Variants in CXADR observed in about 807,000 individuals in gnomAD.
CXADR encodes the protein CXADR cell adhesion molecule.
A neutral mutation model predicts 40.3 loss-of-function variants in CXADR; 20 were observed. That is an observed-to-expected ratio of 0.50 (90% CI 0.35 to 0.72). The LOEUF (loss-of-function observed/expected upper bound fraction) is 0.72. CXADR is among the 30% of genes least tolerant of loss of function. CXADR has a pLI of 0.01. For missense variants in CXADR, 332 were observed against 449.1 expected (o/e 0.74, Z 2.36); for synonymous variants, 150 against 161.3 (o/e 0.93, Z 0.53).
chr21:17,520,590 G>A (rs540620368), intron 1 of CXADR, among the ~76,000 whole-genome samples: 2 of 152,242 alleles, frequency 1.3e-5, no homozygotes, highest in African/African-American at 4.8e-5. Flanking sequence ...AAGGTTATAC[G>A]CTGAGATTTA....
chr21:17,565,371 A>G, intron 6 of CXADR, 57 bp from the exon 7 acceptor site: 3 of 1,558,800 alleles, frequency 1.9e-6, no homozygotes, highest in Non-Finnish European at 2.6e-6. Context: ...AGCTTGCATA[A>G]TTGTAGGTTT....
At chr21:17,539,828 G>C (rs1272962879) in intron 1 of CXADR, among the ~76,000 whole-genome samples, 1 of 151,970 alleles carries the variant, frequency 6.6e-6, no homozygotes, top group Non-Finnish European at 1.5e-5. Context: ...AAATCTTCTT[G>C]AGAATTTCTG....
At chr21:17,627,288 G>A in the CXADR span, among the ~76,000 whole-genome samples, 2 of 152,028 alleles carry the variant, frequency 1.3e-5, no homozygotes, top group African/African-American at 4.8e-5. Flanking sequence ...CCTAGGAGGC[G>A]GAGGTTGCGG....
downstream of CXADR, among the ~76,000 whole-genome samples, chr21:17,573,150 C>A (rs1201511627): frequency 6.6e-6 from 1 of 152,108 alleles, no homozygotes; most frequent in African/African-American, 2.4e-5. Flanking sequence ...TTCTCCATCT[C>A]TCTTCCCTCT....
intron 3 of CXADR, among the ~76,000 whole-genome samples, chr21:17,555,857 G>A (rs1484199185): frequency 6.6e-6 from 1 of 152,118 alleles, no homozygotes; most frequent in Admixed American, 6.5e-5. Context: ...TTTGCCTGGA[G>A]TCAGGGTATT....
In CXADR at chr21:17,578,782, A is replaced by T. The variant is rs969057013; in HGVS notation, c.1017+13171A>T. On this transcript the variant is annotated intron_variant, in intron 7 of 7. Coordinates refer to the CXADR transcript ENST00000400169. ...GGGTGCAGTGAGCCATGATAGCGCC[A>T]CTGCACTCCAGCCTGGGTGACAGAG... Among the ~76,000 whole-genome samples the T allele has an allele frequency of 4.6e-5, 7 of 152,194 alleles. No individual in the cohort carries two copies. The East Asian group carries it at 1.3e-3, about 29-fold the overall frequency.
At chr21:17,542,458 TTGA>T (rs1347186746) in intron 1 of CXADR, among the ~76,000 whole-genome samples, 10 of 152,156 alleles carry the variant, frequency 6.6e-5, no homozygotes, top group Non-Finnish European at 1.5e-4. Context: ...AAAATACTCT[TTGA>T]TGAACTCATG....
intron 2 of CXADR, among the ~76,000 whole-genome samples, 168 bp from the exon 3 acceptor site, chr21:17,551,581 C>T (rs1040141885): frequency 1.3e-5 from 2 of 152,204 alleles, no homozygotes; most frequent in South Asian, 2.1e-4. Context: ...TCCATTTTCT[C>T]GTTCTGTGGT....
At chr21:17,627,497 G>C in the CXADR span, among the ~76,000 whole-genome samples, 3 of 151,834 alleles carry the variant, frequency 2.0e-5, no homozygotes, top group African/African-American at 7.3e-5. Context: ...GTGAGGCTGC[G>C]TGTGGCACCT....
the CXADR span, among the ~76,000 whole-genome samples, chr21:17,634,117 T>C: frequency 1.3e-5 from 2 of 152,198 alleles, no homozygotes; most frequent in Admixed American, 1.3e-4. Context: ...TAGCAGGTCA[T>C]TTGGGCTGAT....
intron 6 of CXADR, among the ~76,000 whole-genome samples, chr21:17,562,729 C>G (rs1376145480): frequency 2.0e-5 from 3 of 152,212 alleles, no homozygotes; most frequent in Non-Finnish European, 4.4e-5. Flanking sequence ...TTAACTAGAT[C>G]TTCTGGATAA....
the CXADR span, among the ~76,000 whole-genome samples, chr21:17,626,497 G>A: frequency 2.0e-5 from 3 of 152,054 alleles, no homozygotes; most frequent in Non-Finnish European, 4.4e-5. Context: ...CTTACTTGAT[G>A]AAAAGTTTCC....
Position 17,563,940 on chromosome 21 carries a change from C to CAAAAAAAAAAA in CXADR, c.834-1477_834-1467dup, listed in dbSNP as rs35020228. Among the ~76,000 whole-genome samples, 32 of 37,202 alleles carry CAAAAAAAAAAA rather than the reference C, an allele frequency of 8.6e-4. 3 individuals carry two copies. Among genetic ancestry groups the CAAAAAAAAAAA allele is most frequent in the South Asian group, 2.7e-3 (2 of 750 alleles). The allele number at this position is 37,202 out of a possible 152,430, so 24.4% of individuals were successfully genotyped here. On this transcript the variant is annotated intron_variant, in intron 6 of 6. Transcript: ENST00000284878. ...TGGGCAACAGAGCAAGACTCTGTCT[C>CAAAAAAAAAAA]AAAAAAAAAAAAAAAAAAAAAGGTA...
At chr21:17,528,297 A>C (rs1460258833) in intron 1 of CXADR, among the ~76,000 whole-genome samples, 1 of 151,406 alleles carries the variant, frequency 6.6e-6, no homozygotes, top group Non-Finnish European at 1.5e-5. Context: ...GATGGTCTCA[A>C]TTTCCTGACC....
chr21:17,539,939 C>T lies in CXADR; in HGVS notation c.44-7088C>T, dbSNP rs77424373. Among the ~76,000 whole-genome samples the T allele has an allele frequency of 6.9e-3, 1,044 of 152,166 alleles. 13 individuals are homozygous for T. The highest frequency in any genetic ancestry group is 0.024 in the African/African-American group (999 of 41,522). The stretch of plus-strand genomic sequence containing the variant: ...GTCTGTATTAGTCTGCTCAGGCTGC[C>T]GTAACAAAATGCCATAGACAAAATA... On this transcript the variant is annotated intron_variant, in intron 1 of 6. Transcript: ENST00000284878.
At chr21:17,589,820 A>G (rs550294632) in intron 7 of CXADR, among the ~76,000 whole-genome samples, 1 of 152,178 alleles carries the variant, frequency 6.6e-6, no homozygotes, top group Non-Finnish European at 1.5e-5. Context: ...ATCAAGGGAT[A>G]TATACTTCAA....
the CXADR span, among the ~76,000 whole-genome samples, chr21:17,616,954 A>C: frequency 6.6e-6 from 1 of 152,376 alleles, no homozygotes; most frequent in East Asian, 1.9e-4. Flanking sequence ...TCTCCGTTAC[A>C]TCATGCCATA....
chr21:17,606,456 G>C, the CXADR span, among the ~76,000 whole-genome samples: 1 of 152,002 alleles, frequency 6.6e-6, no homozygotes, highest in African/African-American at 2.4e-5. Context: ...TTAAAAACAT[G>C]GTCTTATGCT....
At chr21:17,592,399 AT>A (rs11350596) in intron 7 of CXADR, among the ~76,000 whole-genome samples, 74,710 of 151,590 alleles carry the variant, frequency 0.49, 19,835 homozygotes, top group African/African-American at 0.69. Flanking sequence ...TAAAATTTGT[AT>A]TTTTTTAATT....
Sources: allele counts gnomAD v4.1 joint callset (sites outside exome capture counted in the v4.1 genomes callset), GRCh38; gene constraint gnomAD v4.1.1; transcripts MANE v1.5; gene names NCBI Gene and HGNC (gene_info 2026-07-23, HGNC 2026-07-21).